Variants in MMP16 observed in about 807,000 individuals in gnomAD.
MMP16 encodes matrix metalloproteinase-16.
A neutral mutation model predicts 67.8 loss-of-function variants in MMP16; 12 were observed. That is an observed-to-expected ratio of 0.18 (90% CI 0.11 to 0.29). The LOEUF (loss-of-function observed/expected upper bound fraction) is 0.29, where lower values mean the gene tolerates loss of function less well. Ranked by LOEUF, MMP16 falls within the 10% of genes least tolerant of loss-of-function variation. MMP16 has a pLI of 1.00. For synonymous variants in MMP16, 249 were observed against 255.9 expected, an observed-to-expected ratio of 0.97 and a Z score of 0.26; for missense variants, 475 against 765.7, an observed-to-expected ratio of 0.62 and a Z score of 4.48.
chr8:88,233,896 C>T (rs1023896093), intron 1 of MMP16, among the ~76,000 whole-genome samples: 3 of 152,260 alleles, frequency 2.0e-5, no homozygotes, highest in Non-Finnish European at 4.4e-5. Context: ...ATTTTAAAGG[C>T]TCCCAAAGTG....
intron 5 of MMP16, among the ~76,000 whole-genome samples, chr8:88,118,423 A>G (rs1809475116): frequency 6.6e-6 from 1 of 152,032 alleles, no homozygotes; most frequent in African/African-American, 2.4e-5. Flanking sequence ...ACTAAAGTTT[A>G]TTAGAACTTT....
Position 88,106,055 on chromosome 8 carries a change from A to G in MMP16, c.1083+10452T>C, listed in dbSNP as rs1214880224. Among the ~76,000 whole-genome samples, 18 of 5,710 alleles carry G rather than the reference A, an allele frequency of 3.2e-3. No individual in the cohort carries two copies. The Admixed American group carries it at 0.037, about 12-fold the overall frequency. The allele number at this position is 5,710 out of a possible 152,430, so 3.7% of individuals were successfully genotyped here. A position where few individuals can be genotyped will look rare whatever the true frequency, so the allele number is the denominator to read the frequency against. On this transcript the variant is annotated intron_variant, in intron 6 of 9. Coordinates refer to ENST00000286614, the MANE Select transcript of MMP16 (RefSeq NM_005941.5). The stretch of plus-strand genomic sequence containing the variant: ...GTATATATATTTACACGTTATGTAT[A>G]TATATATATATATATATATGTATTT...
intron 6 of MMP16, among the ~76,000 whole-genome samples, chr8:88,087,620 A>T (rs576408115): frequency 1.3e-5 from 2 of 151,782 alleles, no homozygotes; most frequent in Admixed American, 6.6e-5. Context: ...GAAAGAACAC[A>T]GAAAGTGGAG....
chr8:88,221,941 G>A (rs1482644529), intron 1 of MMP16, among the ~76,000 whole-genome samples: 2 of 151,888 alleles, frequency 1.3e-5, no homozygotes, highest in Non-Finnish European at 2.9e-5. Context: ...GCTGTGGGAG[G>A]TTTTTGGCAT....
chr8:88,256,096 G>A (rs1175187438), intron 1 of MMP16, among the ~76,000 whole-genome samples: 7 of 151,760 alleles, frequency 4.6e-5, no homozygotes, highest in Non-Finnish European at 7.4e-5. Flanking sequence ...TTTTTTCTAG[G>A]CAGTATTTTT....
chr8:88,148,568 A>C (rs1485376269), intron 4 of MMP16, among the ~76,000 whole-genome samples: 1 of 152,160 alleles, frequency 6.6e-6, no homozygotes, highest in Non-Finnish European at 1.5e-5. Flanking sequence ...CAATTTGCTC[A>C]CCTTGCCCTT....
At chr8:88,057,052 A>G (rs2118227945) in intron 7 of MMP16, among the ~76,000 whole-genome samples, 1 of 152,206 alleles carries the variant, frequency 6.6e-6, no homozygotes, top group South Asian at 2.1e-4. Flanking sequence ...TGGTATGCCT[A>G]TCAAGTTTCA....
chr8:88,126,474 T>A (rs533521046), intron 4 of MMP16, among the ~76,000 whole-genome samples: 4 of 151,868 alleles, frequency 2.6e-5, no homozygotes, highest in African/African-American at 9.7e-5. Context: ...ATAAATAAAT[T>A]ATGAGGGTCT....
At chr8:88,084,468 A>G (rs28991872) in intron 6 of MMP16, among the ~76,000 whole-genome samples, 3,928 of 148,202 alleles carry the variant, frequency 0.027, 161 homozygotes, top group African/African-American at 0.096. Context: ...AAAAAGGAGG[A>G]AAAAAAAAGA....
chr8:88,146,379 C>T (rs1161161711), intron 4 of MMP16, among the ~76,000 whole-genome samples: 1 of 151,924 alleles, frequency 6.6e-6, no homozygotes, highest in African/African-American at 2.4e-5. Flanking sequence ...TATTTTTGTC[C>T]TTATTCTACT....
Position 88,327,230 on chromosome 8 carries a change from G to A in MMP16, c.-24C>T, listed in dbSNP as rs762009938. 5.0e-6 allele frequency: 8 copies of A among 1,613,248 alleles called. No homozygotes were observed. The South Asian group carries it at 6.6e-5, about 13-fold the overall frequency. On this transcript the variant is annotated 5_prime_UTR_variant, in exon 1 of 10. Coordinates refer to ENST00000286614, the MANE Select transcript of MMP16 (RefSeq NM_005941.5). ...ATAGTGAACTGTGCTTCAATGGATG[G>A]ACGAGCTCCCCTTCGTTTTCTCCCT...
At chr8:88,128,789 T>C (rs763664366) in intron 4 of MMP16, among the ~76,000 whole-genome samples, 9 of 151,800 alleles carry the variant, frequency 5.9e-5, no homozygotes, top group Non-Finnish European at 1.0e-4. Flanking sequence ...AAGAAAATAC[T>C]GGGAAAGTAT....
chr8:88,184,879 G>A (rs906165403), intron 3 of MMP16, among the ~76,000 whole-genome samples: 1 of 150,802 alleles, frequency 6.6e-6, no homozygotes, highest in Non-Finnish European at 1.5e-5. Context: ...AAATATTACA[G>A]TTATTGGGAA....
chr8:88,049,625 G>C (rs1466665226), intron 8 of MMP16, among the ~76,000 whole-genome samples: 2 of 152,042 alleles, frequency 1.3e-5, no homozygotes, highest in Admixed American at 6.6e-5. Flanking sequence ...TACTTGACAG[G>C]GTTTCCTCTC....
At chr8:88,177,023 A>G (rs1400228872) in intron 3 of MMP16, among the ~76,000 whole-genome samples, 1 of 152,218 alleles carries the variant, frequency 6.6e-6, no homozygotes, top group Non-Finnish European at 1.5e-5. Flanking sequence ...AGCAAAATAT[A>G]TCTCTTCATT....
At chr8:88,326,825 G>T in intron 1 of MMP16, 1 of 410,576 alleles carries the variant, frequency 2.4e-6, no homozygotes. Context: ...TGAAAAGCAT[G>T]GACCGGCTAC....
chr8:88,172,260 A>G (rs1393587804), intron 3 of MMP16, among the ~76,000 whole-genome samples: 1 of 152,176 alleles, frequency 6.6e-6, no homozygotes, highest in Admixed American at 6.5e-5. Context: ...AGATGATTAA[A>G]ATTACTAACT....
At chr8:88,132,427 T>A (rs946223302) in intron 4 of MMP16, among the ~76,000 whole-genome samples, 6 of 151,798 alleles carry the variant, frequency 4.0e-5, no homozygotes, top group Non-Finnish European at 7.4e-5. Context: ...AAGATCAGAT[T>A]TTTGTGAGGT....
chr8:88,277,477 A>G (rs1810665783), intron 1 of MMP16, among the ~76,000 whole-genome samples: 1 of 152,204 alleles, frequency 6.6e-6, no homozygotes, highest in South Asian at 2.1e-4. Context: ...TGTCTTCCAG[A>G]GAGCAGACTG....
Sources: allele counts gnomAD v4.1 joint callset (sites outside exome capture counted in the v4.1 genomes callset), GRCh38; gene constraint gnomAD v4.1.1; transcripts MANE v1.5; gene names NCBI Gene and HGNC (gene_info 2026-07-23, HGNC 2026-07-21).